RILPL1: variants seen among roughly 807,000 people sequenced by gnomAD.
RILPL1 encodes the protein RILP-like protein 1.
In RILPL1, 33 loss-of-function variants were observed where a neutral mutation model predicts 50.3. The ratio of observed to expected loss-of-function variants is 0.66; its 90% CI spans 0.50 to 0.88. The LOEUF is 0.88. RILPL1 is among the 40% of genes least tolerant of loss of function. The pLI is 0.00. For synonymous variants in RILPL1, 205 were observed against 228.6 expected, an observed-to-expected ratio of 0.90 and a Z score of 0.93; for missense variants, 418 against 542.5, an observed-to-expected ratio of 0.77 and a Z score of 2.28.
chr12:123,506,502 G>A (rs1593574734), intron 2 of RILPL1, among the ~76,000 whole-genome samples: 1 of 152,146 alleles, frequency 6.6e-6, no homozygotes, highest in East Asian at 1.9e-4. Flanking sequence ...TTCCAGCAGG[G>A]GTGGGCGTCC....
intron 1 of RILPL1, among the ~76,000 whole-genome samples, chr12:123,524,162 T>C (rs1885168646): frequency 6.6e-6 from 1 of 152,248 alleles, no homozygotes; most frequent in Non-Finnish European, 1.5e-5. Flanking sequence ...TCGATCACCC[T>C]GAGCCTCAGT....
At chr12:123,475,641 C>A in intron 6 of RILPL1, 2 of 1,537,178 alleles carry the variant, frequency 1.3e-6, no homozygotes, top group Non-Finnish European at 1.8e-6. Flanking sequence ...CAAACAAAAC[C>A]CAAAACACAC....
At position 123,472,648 on chromosome 12, in the gene RILPL1, C is replaced by G; in HGVS notation, c.1102G>C (p.Ala368Pro). Residue 368 changes from alanine to proline, a missense_variant, in exon 7 of 7, where the codon GCC becomes CCC. Transcript: ENST00000376874. ...SFFSRDKKRL[A>P]NTQRNVHIQE... ...ATGTGCACGTTTCTCTGTGTGTTGG[C>G]CAGGCGCTTCTTATCTCGGGAGAAG... 1 of 1,598,116 alleles carries G rather than the reference C, an allele frequency of 6.3e-7. No homozygotes were observed. Among genetic ancestry groups the G allele is most frequent in the Non-Finnish European group, 8.5e-7 (1 of 1,172,334 alleles).
At chr12:123,507,564 C>CA (rs34340975) in intron 2 of RILPL1, among the ~76,000 whole-genome samples, 21,194 of 134,464 alleles carry the variant, frequency 0.16, 1,629 homozygotes, top group Non-Finnish European at 0.17. Flanking sequence ...GATACTGTCT[C>CA]AAAAAAAAAA....
intron 2 of RILPL1, among the ~76,000 whole-genome samples, chr12:123,521,742 TA>T (rs1171166865): frequency 7.1e-6 from 1 of 141,794 alleles, no homozygotes; most frequent in African/African-American, 2.6e-5. Context: ...TGTATATATA[TA>T]AAAATATATA....
intron 2 of RILPL1, among the ~76,000 whole-genome samples, chr12:123,519,177 C>T (rs1409654916): frequency 6.6e-6 from 1 of 151,926 alleles, no homozygotes; most frequent in Non-Finnish European, 1.5e-5. Flanking sequence ...TCTGTAATGC[C>T]CTTCAGAAAA....
At chr12:123,506,165 G>A (rs185234119) in intron 2 of RILPL1, among the ~76,000 whole-genome samples, 70 of 152,324 alleles carry the variant, frequency 4.6e-4, no homozygotes, top group African/African-American at 1.6e-3. Flanking sequence ...GGTCATTTCC[G>A]CTGAGACCAG....
chr12:123,522,837 C>A lies in RILPL1; in HGVS notation c.460+658G>T, dbSNP rs1278083959. 1.3e-5 allele frequency among the ~76,000 whole-genome samples: 2 copies of A among 152,122 alleles called. No individual in the cohort carries two copies. The highest frequency in any genetic ancestry group is 2.9e-5 in the Non-Finnish European group (2 of 68,016). On this transcript the variant is annotated intron_variant, in intron 2 of 6. Transcript: ENST00000376874. The surrounding 1 kb of genome is among the most constrained non-coding windows in gnomAD (Gnocchi z 4.0). Reference sequence around the variant, plus strand: ...CAAACTCCTGGCTCCAAGTGATCTTCCTGCTTCAGCCTCCCAAAGTGCTGG... The same window carrying A: ...CAAACTCCTGGCTCCAAGTGATCTTACTGCTTCAGCCTCCCAAAGTGCTGG...
intron 2 of RILPL1, among the ~76,000 whole-genome samples, chr12:123,510,230 G>C (rs1427686070): frequency 1.3e-5 from 2 of 152,246 alleles, no homozygotes; most frequent in Non-Finnish European, 2.9e-5. Flanking sequence ...GGCCATGTGG[G>C]GGGCCCGCCT....
intron 2 of RILPL1, among the ~76,000 whole-genome samples, chr12:123,503,908 GGAGAAT>G (rs1322409547): frequency 6.6e-6 from 1 of 151,672 alleles, no homozygotes; most frequent in African/African-American, 2.4e-5. Context: ...GGCTGAGGCA[GGAGAAT>G]GGCGTGAACC....
chr12:123,531,216 G>C (rs930181130), intron 1 of RILPL1, among the ~76,000 whole-genome samples: 1 of 152,068 alleles, frequency 6.6e-6, no homozygotes, highest in East Asian at 1.9e-4. Flanking sequence ...TTGATTTAGA[G>C]AGGTCATCCT....
chr12:123,507,435 C>A (rs1183051741), intron 2 of RILPL1, among the ~76,000 whole-genome samples: 1 of 151,960 alleles, frequency 6.6e-6, no homozygotes, highest in Non-Finnish European at 1.5e-5. Flanking sequence ...TGTGATGGCA[C>A]ACACCTGTAG....
At chr12:123,519,698 T>A (rs1158069874) in intron 2 of RILPL1, 1 of 152,240 alleles carries the variant, frequency 6.6e-6, no homozygotes, top group Non-Finnish European at 1.5e-5. Flanking sequence ...TTCTCCTTGT[T>A]GTGTTCCCAT....
At position 123,470,464 on chromosome 12, in the gene RILPL1, C is replaced by A. The variant is rs1371585856; in HGVS notation, c.*2074G>T. On this transcript the variant is annotated 3_prime_UTR_variant, in exon 7 of 7. Transcript: ENST00000376874. ...CTCCAGCCTAGGTGACAGAGTGAGA[C>A]CCTGTGTCCAAAAAAAAAAAAAAAA... is the stretch of plus-strand genomic sequence containing the variant. The A allele has an allele frequency of 1.9e-5, 2 of 105,692 alleles. No individual in the cohort carries two copies. Among genetic ancestry groups the A allele is most frequent in the African/African-American group, 7.6e-5 (2 of 26,152 alleles). The allele number at this position is 105,692 out of a possible 1,614,324, so 6.5% of individuals were successfully genotyped here. A position where few individuals can be genotyped will look rare whatever the true frequency, so the allele number is the denominator to read the frequency against.
chr12:123,525,556 C>T (rs909979160), intron 1 of RILPL1, among the ~76,000 whole-genome samples: 7 of 151,114 alleles, frequency 4.6e-5, no homozygotes, highest in Non-Finnish European at 7.4e-5. Context: ...AAAAAATTAG[C>T]CGGGTGTGGT....
At position 123,475,904 on chromosome 12, in the gene RILPL1, T is replaced by A. The variant is rs768550167; in HGVS notation, c.1068-3222A>T. On this transcript the variant is annotated intron_variant, in intron 6 of 6. Coordinates refer to ENST00000376874, the MANE Select transcript of RILPL1 (RefSeq NM_178314.5). The stretch of plus-strand genomic sequence containing the variant: ...CCTCTAAATTCACTTAAAATTTTTT[T>A]TTTTTTTTTTTTTTTTTGAGACAGA... The A allele has an allele frequency of 7.8e-3, 891 of 114,818 alleles. 5 individuals carry two copies. The East Asian group carries it at 0.11, about 14-fold the overall frequency. 7.1% of individuals were successfully genotyped at this position (114,818 alleles called of 1,614,324 possible).
rs1883725842 is a variant in RILPL1, at chr12:123,506,048, C to T, written c.461-6512G>A. Among the ~76,000 whole-genome samples, 3 of 152,202 alleles carry T rather than the reference C, an allele frequency of 2.0e-5. 1 individual carries two copies. In the South Asian group the frequency reaches 6.2e-4, roughly 31 times the overall value. Reference sequence around the variant, plus strand: ...TTACAGATGTCAGACAGGCACGTGCCATTACAGACCAAGTTGAGTGCCGTG... The same window carrying T: ...TTACAGATGTCAGACAGGCACGTGCTATTACAGACCAAGTTGAGTGCCGTG... On this transcript the variant is annotated intron_variant, in intron 2 of 6. Transcript: ENST00000376874.
intron 1 of RILPL1, among the ~76,000 whole-genome samples, chr12:123,532,192 C>A (rs1349727658): frequency 6.6e-6 from 1 of 152,218 alleles, no homozygotes; most frequent in Non-Finnish European, 1.5e-5. Flanking sequence ...GCTCAGGCAC[C>A]CTGATCCCTC....
intron 2 of RILPL1, chr12:123,513,756 C>T (rs1201394517): frequency 6.6e-6 from 1 of 152,232 alleles, no homozygotes; most frequent in Non-Finnish European, 1.5e-5. Flanking sequence ...GTATTCTTAA[C>T]AGACACTGTT....
Sources: allele counts gnomAD v4.1 joint callset (sites outside exome capture counted in the v4.1 genomes callset), GRCh38; gene constraint gnomAD v4.1.1; non-coding constraint Gnocchi (gnomAD v3.1); transcripts MANE v1.5; gene names NCBI Gene and HGNC (gene_info 2026-07-23, HGNC 2026-07-21).